Variants in MAPK10 observed in about 807,000 individuals in gnomAD.
MAPK10 encodes JNK3 alpha protein kinase.
A neutral mutation model predicts 59.3 loss-of-function variants in MAPK10; 25 were observed. The observed-to-expected ratio is 0.42, with a 90% CI of 0.31 to 0.59. The LOEUF is 0.59. MAPK10 is among the 20% of genes least tolerant of loss of function. The probability of loss-of-function intolerance (pLI) is 0.15; values close to 1 mark genes in which losing one functional copy is unlikely to be tolerated. For missense variants in MAPK10, 351 were observed against 568.9 expected (o/e 0.62, Z 3.90); for synonymous variants, 190 against 200.5 (o/e 0.95, Z 0.44).
intron 11 of MAPK10, among the ~76,000 whole-genome samples, chr4:86,033,887 T>C (rs2039621997): frequency 6.6e-6 from 1 of 152,232 alleles, no homozygotes; most frequent in Non-Finnish European, 1.5e-5. Context: ...GAGAGCAATG[T>C]TACAACACAC....
At chr4:86,166,726 T>C (rs1236701111) in intron 3 of MAPK10, among the ~76,000 whole-genome samples, 1 of 152,188 alleles carries the variant, frequency 6.6e-6, no homozygotes, top group African/African-American at 2.4e-5. Context: ...TCCCTTGCAG[T>C]TGCAGTTGGT....
intron 2 of MAPK10, among the ~76,000 whole-genome samples, chr4:86,339,366 T>C (rs6829923): frequency 0.73 from 111,195 of 152,042 alleles, 41,258 homozygotes; most frequent in South Asian, 0.9. Context: ...GAAGGCTTCA[T>C]TTTCACACAC....
chr4:86,310,596 T>C (rs1232245013), intron 2 of MAPK10, among the ~76,000 whole-genome samples: 1 of 152,160 alleles, frequency 6.6e-6, no homozygotes, highest in Non-Finnish European at 1.5e-5. Flanking sequence ...ATATTACTAT[T>C]GTGAAAATAC....
intron 2 of MAPK10, among the ~76,000 whole-genome samples, chr4:86,201,780 C>T (rs1477191151): frequency 4.0e-5 from 6 of 151,494 alleles, no homozygotes; most frequent in Non-Finnish European, 8.9e-5. Flanking sequence ...GAGATATTCT[C>T]CTATATATTC....
chr4:86,533,088 A>G (rs1191747796), intron 1 of MAPK10, among the ~76,000 whole-genome samples: 1 of 152,242 alleles, frequency 6.6e-6, no homozygotes, highest in Non-Finnish European at 1.5e-5. Flanking sequence ...AAGGAATATA[A>G]GTAGAGCACC....
chr4:86,147,950 T>A (rs181645013), intron 4 of MAPK10, among the ~76,000 whole-genome samples: 1 of 152,280 alleles, frequency 6.6e-6, no homozygotes, highest in Admixed American at 6.5e-5. Context: ...AATTAGTGGG[T>A]CATACTATTT....
At chr4:86,065,435 T>C (rs1369210660) in intron 10 of MAPK10, 1 of 152,238 alleles carries the variant, frequency 6.6e-6, no homozygotes, top group Admixed American at 6.5e-5. Context: ...TAATTAATTT[T>C]ATGGTTGTGG....
intron 9 of MAPK10, among the ~76,000 whole-genome samples, chr4:86,094,082 A>G (rs182095247): frequency 1.3e-5 from 2 of 152,080 alleles, no homozygotes; most frequent in East Asian, 3.9e-4. Flanking sequence ...ATTAAGCACT[A>G]TTATTTCAAA....
chr4:86,268,091 A>G (rs924117408), intron 2 of MAPK10: 7 of 152,222 alleles, frequency 4.6e-5, no homozygotes, highest in Admixed American at 2.6e-4. Flanking sequence ...TATAATGGAC[A>G]TGTGTGTACA....
Position 86,089,628 on chromosome 4 carries a change from A to G in MAPK10, c.802+8896T>C, listed in dbSNP as rs2052679061. On this transcript the variant is annotated intron_variant, in intron 9 of 13. Coordinates refer to ENST00000641462, the MANE Select transcript of MAPK10 (RefSeq NM_138982.4). ...TGATTTTTATCATAAATTATTCTAGATAGTGTTAATATGCAAATCAGTTTC... is the reference window on the plus strand; with the variant it reads ...TGATTTTTATCATAAATTATTCTAGGTAGTGTTAATATGCAAATCAGTTTC... The G allele has an allele frequency of 2.8e-5, 5 of 176,830 alleles. No homozygotes were observed. The South Asian group carries it at 8.6e-4, about 30-fold the overall frequency. The allele number at this position is 176,830 out of a possible 1,614,324, so 11.0% of individuals were successfully genotyped here. A position where few individuals can be genotyped will look rare whatever the true frequency, so the allele number is the denominator to read the frequency against.
intron 2 of MAPK10, among the ~76,000 whole-genome samples, chr4:86,242,844 G>T (rs1480902879): frequency 6.8e-6 from 1 of 147,302 alleles, no homozygotes; most frequent in Non-Finnish European, 1.5e-5. Flanking sequence ...ACAACAGGCA[G>T]TGGCAGGTGC....
intron 1 of MAPK10, among the ~76,000 whole-genome samples, chr4:86,538,436 G>A (rs930288500): frequency 2.6e-5 from 4 of 152,222 alleles, no homozygotes; most frequent in Non-Finnish European, 4.4e-5. Context: ...GTGAGCCACC[G>A]CACCCGGCCC....
At chr4:86,490,807 G>A (rs1754399940) in intron 1 of MAPK10, among the ~76,000 whole-genome samples, 3 of 152,200 alleles carry the variant, frequency 2.0e-5, no homozygotes. Flanking sequence ...GCTAACAGCA[G>A]CCTGTTGATT....
At chr4:86,506,046 C>G (rs1755712903) in intron 1 of MAPK10, among the ~76,000 whole-genome samples, 1 of 152,106 alleles carries the variant, frequency 6.6e-6, no homozygotes, top group Non-Finnish European at 1.5e-5. Context: ...TTAAAGAAAA[C>G]ATTTTTAAAG....
At chr4:86,216,543 C>T (rs1303572191) in intron 2 of MAPK10, among the ~76,000 whole-genome samples, 2 of 151,470 alleles carry the variant, frequency 1.3e-5, no homozygotes, top group Non-Finnish European at 3.0e-5. Flanking sequence ...AATGCCATAC[C>T]TAAGAACTTC....
At chr4:86,528,079 C>A (rs187490551) in intron 1 of MAPK10, among the ~76,000 whole-genome samples, 2 of 152,088 alleles carry the variant, frequency 1.3e-5, no homozygotes, top group Non-Finnish European at 2.9e-5. Flanking sequence ...TGGGATCATT[C>A]GTACCCCAAA....
At chr4:86,377,227 G>A (rs1739959609) in intron 1 of MAPK10, among the ~76,000 whole-genome samples, 1 of 152,146 alleles carries the variant, frequency 6.6e-6, no homozygotes, top group Non-Finnish European at 1.5e-5. Context: ...GGTTCTCTGT[G>A]GTTTAAGGCA....
rs1742927061 is a variant in MAPK10 at position 86,015,314 on chromosome 4, G to T, written c.*1914C>A. 1 of 152,180 alleles carries T rather than the reference G, an allele frequency of 6.6e-6. No individual in the cohort carries two copies. Among genetic ancestry groups the T allele is most frequent in the African/African-American group, 2.4e-5 (1 of 41,416 alleles). The allele number at this position is 152,180 out of a possible 1,614,324, so 9.4% of individuals were successfully genotyped here. A position where few individuals can be genotyped will look rare whatever the true frequency, so the allele number is the denominator to read the frequency against. On this transcript the variant is annotated 3_prime_UTR_variant, in exon 14 of 14. Transcript: ENST00000641462. ...GGTCTCTATTGCTTGAAGAGAGAAA[G>T]AAAGTTCCCTATTATTATATTTAAG...
intron 1 of MAPK10, among the ~76,000 whole-genome samples, chr4:86,578,763 T>C (rs1229801557): frequency 6.6e-6 from 1 of 151,696 alleles, no homozygotes; most frequent in Non-Finnish European, 1.5e-5. Context: ...AAAAGTTTCA[T>C]GGAGGAGAGA....
Sources: gnomAD v4.1 joint callset for allele counts (sites outside exome capture counted in the v4.1 genomes callset) on GRCh38, gnomAD v4.1.1 for gene constraint, MANE v1.5 for transcripts, NCBI Gene and HGNC (gene_info 2026-07-23, HGNC 2026-07-21) for gene names.